GAS2: variants seen among roughly 807,000 people sequenced by gnomAD.
GAS2 encodes the protein growth arrest-specific protein 2.
In GAS2, 20 loss-of-function variants were observed where a neutral mutation model predicts 37.5. That is an observed-to-expected ratio of 0.53 (90% CI 0.37 to 0.77). The LOEUF (loss-of-function observed/expected upper bound fraction) is 0.77, where lower values mean the gene tolerates loss of function less well. Ranked by LOEUF, GAS2 falls within the 30% of genes least tolerant of loss-of-function variation. The pLI, the probability that GAS2 is intolerant of heterozygous loss-of-function variation, is 0.00. For missense variants in GAS2, 336 were observed against 373.4 expected (o/e 0.90, Z 0.82); for synonymous variants, 144 against 132.2 (o/e 1.09, Z -0.61).
chr11:22,706,922 A>G (rs1346798098), intron 3 of GAS2, among the ~76,000 whole-genome samples: 1 of 149,944 alleles, frequency 6.7e-6, no homozygotes, highest in Admixed American at 6.6e-5. Flanking sequence ...TGACTTCCAC[A>G]ATGGTTGAAC....
chr11:22,722,052 T>C (rs1590708974), intron 3 of GAS2, among the ~76,000 whole-genome samples: 1 of 151,972 alleles, frequency 6.6e-6, no homozygotes, highest in African/African-American at 2.4e-5. Flanking sequence ...TTTAAGTACA[T>C]TTCCTAATCA....
chr11:22,647,665 G>C (rs1328595163), intron 1 of GAS2, among the ~76,000 whole-genome samples: 1 of 152,190 alleles, frequency 6.6e-6, no homozygotes, highest in Non-Finnish European at 1.5e-5. Context: ...GCATTTCTCT[G>C]ATGGCCAGTG....
intron 6 of GAS2, among the ~76,000 whole-genome samples, chr11:22,752,920 G>A (rs947906604): frequency 6.6e-6 from 1 of 152,000 alleles, no homozygotes; most frequent in Non-Finnish European, 1.5e-5. Context: ...AAACACAGTG[G>A]TTTCCATTCA....
intron 7 of GAS2, among the ~76,000 whole-genome samples, chr11:22,780,267 C>A (rs1446194328): frequency 6.6e-6 from 1 of 152,030 alleles, no homozygotes; most frequent in African/African-American, 2.4e-5. Context: ...AAGGCTGAGG[C>A]AGGTGGATCA....
At chr11:22,652,993 GTCTTTCTT>G (rs10590128) in intron 1 of GAS2, among the ~76,000 whole-genome samples, 17 of 97,112 alleles carry the variant, frequency 1.8e-4, no homozygotes, top group Admixed American at 6.8e-4. Flanking sequence ...TTCTTTCTTT[GTCTTTCTT>G]TCTTTCTTTC....
At chr11:22,641,200 T>TTATATATATATA (rs370488494) in intron 1 of GAS2, among the ~76,000 whole-genome samples, 4 of 135,342 alleles carry the variant, frequency 3.0e-5, no homozygotes, top group Admixed American at 7.7e-5. Context: ...GGTTCTTTCT[T>TTATATATATATA]TATATATATA....
At chr11:22,775,707 A>G (rs1378647330) in intron 7 of GAS2, among the ~76,000 whole-genome samples, 1 of 152,108 alleles carries the variant, frequency 6.6e-6, no homozygotes, top group Non-Finnish European at 1.5e-5. Context: ...ATATCAATTG[A>G]CAAGAGTCAA....
At chr11:22,642,800 G>A (rs987404117) in intron 1 of GAS2, among the ~76,000 whole-genome samples, 2 of 152,086 alleles carry the variant, frequency 1.3e-5, no homozygotes, top group African/African-American at 2.4e-5. Context: ...ATGTTTTATA[G>A]GTATATGATA....
At chr11:22,714,442 T>G (rs1308174306) in intron 3 of GAS2, among the ~76,000 whole-genome samples, 1 of 151,934 alleles carries the variant, frequency 6.6e-6, no homozygotes, top group Non-Finnish European at 1.5e-5. Flanking sequence ...AACCCAATAC[T>G]CCACTGACAG....
At chr11:22,798,873 G>T (rs1023154201) in intron 7 of GAS2, among the ~76,000 whole-genome samples, 1 of 152,064 alleles carries the variant, frequency 6.6e-6, no homozygotes, top group African/African-American at 2.4e-5. Flanking sequence ...ACCTCAGGGA[G>T]ATAGCTGAAT....
intron 5 of GAS2, among the ~76,000 whole-genome samples, chr11:22,743,834 A>G (rs1021692): frequency 0.91 from 137,677 of 152,118 alleles, 63,915 homozygotes; most frequent in East Asian, 1. Flanking sequence ...CAAAATCCAT[A>G]CAAGGAATCA....
At chr11:22,680,156 A>G (rs532270137) in intron 2 of GAS2, among the ~76,000 whole-genome samples, 116 of 152,176 alleles carry the variant, frequency 7.6e-4, no homozygotes, top group Non-Finnish European at 1.5e-3. Context: ...CTTATTCTGC[A>G]GGGTTCTCAC....
intron 7 of GAS2, among the ~76,000 whole-genome samples, chr11:22,786,137 A>C (rs76590786): frequency 1.3e-5 from 2 of 152,130 alleles, no homozygotes; most frequent in East Asian, 3.9e-4. Context: ...ATAGCTTAAA[A>C]TGTTCTTAAT....
chr11:22,808,183 G>A (rs141882148), intron 7 of GAS2, among the ~76,000 whole-genome samples: 5 of 152,284 alleles, frequency 3.3e-5, no homozygotes, highest in Admixed American at 6.5e-5. Flanking sequence ...CAACAAAGAT[G>A]TATGCCTCCT....
At chr11:22,768,498 C>T (rs897774149) in intron 7 of GAS2, among the ~76,000 whole-genome samples, 1 of 152,130 alleles carries the variant, frequency 6.6e-6, no homozygotes, top group African/African-American at 2.4e-5. Context: ...AACACTCTTG[C>T]CAATTATGGA....
intron 7 of GAS2, among the ~76,000 whole-genome samples, chr11:22,803,286 G>A (rs1856747209): frequency 2.6e-5 from 4 of 152,052 alleles, no homozygotes; most frequent in Non-Finnish European, 4.4e-5. Context: ...CACTAGACAC[G>A]TTTTCTTCTG....
rs868110777 is a variant in GAS2, at chr11:22,789,439, T to A, written c.724-22359T>A. On this transcript the variant is annotated intron_variant, in intron 7 of 7. Coordinates refer to ENST00000454584, the MANE Select transcript of GAS2 (RefSeq NM_001143830.3). ...ATCTCATATGAGATATATATATATA[T>A]ATATATATATATATATTCTTTTTTT... Among the ~76,000 whole-genome samples, 225 of 99,526 alleles carry A rather than the reference T, an allele frequency of 2.3e-3. 20 individuals are homozygous for A. Among genetic ancestry groups the A allele is most frequent in the African/African-American group, 7.0e-3 (199 of 28,590 alleles). 65.3% of individuals were successfully genotyped at this position (99,526 alleles called of 152,430 possible).
At chr11:22,785,883 G>A (rs1164891163) in intron 7 of GAS2, among the ~76,000 whole-genome samples, 1 of 152,096 alleles carries the variant, frequency 6.6e-6, no homozygotes, top group African/African-American at 2.4e-5. Flanking sequence ...CAACATATTG[G>A]CACATTCAGA....
chr11:22,713,669 A>G (rs1466903675), intron 3 of GAS2, among the ~76,000 whole-genome samples: 1 of 152,194 alleles, frequency 6.6e-6, no homozygotes, highest in East Asian at 1.9e-4. Flanking sequence ...TTCTCAGCAG[A>G]AACCCTGTAA....
Sources: allele counts gnomAD v4.1 joint callset (sites outside exome capture counted in the v4.1 genomes callset), GRCh38; gene constraint gnomAD v4.1.1; transcripts MANE v1.5; gene names NCBI Gene and HGNC (gene_info 2026-07-23, HGNC 2026-07-21).